Variants in TENM2 observed in about 807,000 individuals in gnomAD.
TENM2 encodes the protein teneurin-2.
In TENM2, 52 loss-of-function variants were observed where a neutral mutation model predicts 245.2. That is an observed-to-expected ratio of 0.21 (90% CI 0.17 to 0.27). The LOEUF is 0.27. Ranked by LOEUF, TENM2 falls within the 10% of genes least tolerant of loss-of-function variation. The pLI is 1.00. For missense variants in TENM2, 3,046 were observed against 3,666.8 expected (o/e 0.83, Z 4.37); for synonymous variants, 1,363 against 1,438.9 (o/e 0.95, Z 1.19).
At chr5:167,678,251 A>G (rs1464797498) in intron 2 of TENM2, among the ~76,000 whole-genome samples, 2 of 152,100 alleles carry the variant, frequency 1.3e-5, no homozygotes, top group African/African-American at 4.8e-5. Context: ...TACGATTAAC[A>G]TATGTTATAT....
At chr5:167,200,963 A>G in the TENM2 span, among the ~76,000 whole-genome samples, 2 of 152,234 alleles carry the variant, frequency 1.3e-5, no homozygotes, top group African/African-American at 4.8e-5. Flanking sequence ...ATCATGAATC[A>G]AATGAGAAAT....
At chr5:167,263,352 G>T in the TENM2 span, among the ~76,000 whole-genome samples, 1 of 83,774 alleles carries the variant, frequency 1.2e-5, no homozygotes, top group East Asian at 2.5e-4. Context: ...GTTGTTCAAG[G>T]TTTCACAGAT....
At chr5:167,197,617 G>A in the TENM2 span, among the ~76,000 whole-genome samples, 1 of 152,164 alleles carries the variant, frequency 6.6e-6, no homozygotes, top group South Asian at 2.1e-4. Flanking sequence ...TGAATAAGCT[G>A]TGTCCTGGGA....
the TENM2 span, among the ~76,000 whole-genome samples, chr5:167,004,981 GAATA>G: frequency 1.6e-4 from 25 of 151,878 alleles, no homozygotes; most frequent in South Asian, 3.7e-3. Flanking sequence ...AATAGAGTCC[GAATA>G]AATAAATAAA....
At chr5:167,312,827 A>C (rs1158732270) in intron 1 of TENM2, among the ~76,000 whole-genome samples, 1 of 151,556 alleles carries the variant, frequency 6.6e-6, no homozygotes, top group Non-Finnish European at 1.5e-5. Flanking sequence ...GGTTCAGCAC[A>C]TGCCCTTCCA....
chr5:167,872,296 TAG>T (rs1772900410), intron 2 of TENM2, among the ~76,000 whole-genome samples: 1 of 104,528 alleles, frequency 9.6e-6, no homozygotes, highest in South Asian at 3.6e-4. Context: ...AAGAGAAAGA[TAG>T]AAAGAAAGAA....
the TENM2 span, among the ~76,000 whole-genome samples, chr5:167,084,517 C>T: frequency 9.3e-5 from 14 of 151,230 alleles, no homozygotes; most frequent in Non-Finnish European, 1.8e-4. Context: ...CACGTGATAT[C>T]GTGGGCCAAC....
intron 2 of TENM2, among the ~76,000 whole-genome samples, chr5:167,568,218 G>C: frequency 6.6e-6 from 1 of 152,086 alleles, no homozygotes; most frequent in East Asian, 1.9e-4. Flanking sequence ...ATATAATGTA[G>C]AAAAAATATT....
intron 2 of TENM2, among the ~76,000 whole-genome samples, chr5:167,688,789 A>G (rs1295136033): frequency 6.6e-6 from 1 of 152,226 alleles, no homozygotes; most frequent in African/African-American, 2.4e-5. Context: ...AATAAACACC[A>G]TCTGTTAGTA....
the TENM2 span, among the ~76,000 whole-genome samples, chr5:167,083,365 C>G: frequency 1.2e-3 from 189 of 152,280 alleles, no homozygotes; most frequent in Non-Finnish European, 2.3e-3. Flanking sequence ...ATTACTAAAT[C>G]TCCACTGCTT....
chr5:167,277,274 G>C, the TENM2 span, among the ~76,000 whole-genome samples: 4 of 151,750 alleles, frequency 2.6e-5, no homozygotes, highest in Non-Finnish European at 4.4e-5. Context: ...TTTCATCACC[G>C]CTTTAACTGT....
chr5:168,190,423 C>T (rs1464863504), exon 14 of TENM2: 2 of 1,613,994 alleles, frequency 1.2e-6, no homozygotes, highest in Admixed American at 3.3e-5. Context: ...CCGGGACCCA[C>T]TGGACATCAT....
intron 2 of TENM2, among the ~76,000 whole-genome samples, chr5:167,516,076 C>T (rs1423426032): frequency 6.6e-6 from 1 of 151,934 alleles, no homozygotes; most frequent in Non-Finnish European, 1.5e-5. Flanking sequence ...TAGCAAAATG[C>T]TAGTTTTTGT....
chr5:167,844,565 A>G (rs927381990), intron 2 of TENM2, among the ~76,000 whole-genome samples: 3 of 152,210 alleles, frequency 2.0e-5, no homozygotes, highest in Non-Finnish European at 4.4e-5. Flanking sequence ...GGTCTGAATC[A>G]CCAGGATGCA....
At chr5:167,129,648 G>A in the TENM2 span, among the ~76,000 whole-genome samples, 4 of 152,264 alleles carry the variant, frequency 2.6e-5, no homozygotes, top group African/African-American at 4.8e-5. Context: ...TACTATTGGC[G>A]TGAAATGAGG....
rs186674236 is a variant in TENM2 at position 168,236,422 on chromosome 5, C to G, written c.5521-7998C>G. 5.2e-4 allele frequency among the ~76,000 whole-genome samples: 79 copies of G among 152,296 alleles called. 2 individuals carry two copies. In the East Asian group the frequency reaches 0.015, roughly 28 times the overall value. On this transcript the variant is annotated intron_variant, in intron 25 of 28. Coordinates refer to ENST00000518659, the Ensembl canonical transcript of TENM2. ...CTGCCTGTGCAAGGCCTTTGCTCAT[C>G]CCCTGTGCTTTCATTTGCTGACCCT...
At chr5:167,383,998 T>C (rs1761261204) in intron 2 of TENM2, among the ~76,000 whole-genome samples, 1 of 152,204 alleles carries the variant, frequency 6.6e-6, no homozygotes, top group East Asian at 1.9e-4. Flanking sequence ...CACTCACTCC[T>C]CAAAATATTT....
At chr5:167,827,632 G>C (rs190169235) in intron 2 of TENM2, among the ~76,000 whole-genome samples, 1 of 123,004 alleles carries the variant, frequency 8.1e-6, no homozygotes, top group African/African-American at 3.1e-5. Context: ...GGTGGGCGGG[G>C]GGGGGGGAAC....
chr5:167,841,530 A>T (rs948541235), intron 2 of TENM2, among the ~76,000 whole-genome samples: 1 of 152,116 alleles, frequency 6.6e-6, no homozygotes, highest in African/African-American at 2.4e-5. Context: ...CGTGTATATT[A>T]TTTTTTAACT....
Sources: gnomAD v4.1 joint callset for allele counts (sites outside exome capture counted in the v4.1 genomes callset) on GRCh38, gnomAD v4.1.1 for gene constraint, MANE v1.5 for transcripts, NCBI Gene and HGNC (gene_info 2026-07-23, HGNC 2026-07-21) for gene names.